The following CD5 variants were observed in gnomAD, a reference collection of about 807,000 sequenced individuals.
CD5 encodes the protein T-cell surface glycoprotein CD5.
CD5 carries 36 observed loss-of-function variants against 60.3 expected under a neutral mutation model. The ratio of observed to expected loss-of-function variants is 0.60; its 90% CI spans 0.46 to 0.79. The LOEUF (loss-of-function observed/expected upper bound fraction) is 0.79, where lower values mean the gene tolerates loss of function less well. Ranked by LOEUF, CD5 falls within the 30% of genes least tolerant of loss-of-function variation. CD5 has a pLI of 0.00. For missense variants in CD5, 540 were observed against 630.6 expected, an observed-to-expected ratio of 0.86 and a Z score of 1.54; for synonymous variants, 230 against 257.6, an observed-to-expected ratio of 0.89 and a Z score of 1.03.
At chr11:61,097,505 G>A (rs866247667), upstream of CD5, among the ~76,000 whole-genome samples, 3 of 152,190 alleles carry the variant, frequency 2.0e-5, no homozygotes, top group Non-Finnish European at 4.4e-5. Flanking sequence ...TGCAAACCGT[G>A]TGGACCCACC....
upstream of CD5, among the ~76,000 whole-genome samples, chr11:61,099,872 G>C (rs1156459641): frequency 6.7e-6 from 1 of 150,098 alleles, no homozygotes; most frequent in Non-Finnish European, 1.5e-5. Context: ...TGTCAACATG[G>C]AGATCATACA....
intron 1 of CD5, among the ~76,000 whole-genome samples, chr11:61,110,367 G>A (rs1325452746): frequency 1.3e-5 from 2 of 152,180 alleles, no homozygotes; most frequent in Non-Finnish European, 2.9e-5. Flanking sequence ...TAGATCACAG[G>A]TGTTTGAACC....
chr11:61,117,634 G>A (rs896774504), intron 2 of CD5, among the ~76,000 whole-genome samples: 17 of 152,052 alleles, frequency 1.1e-4, no homozygotes, highest in African/African-American at 3.6e-4. Flanking sequence ...GATTACAGGC[G>A]CCTGCCACCA....
upstream of CD5, among the ~76,000 whole-genome samples, chr11:61,099,496 G>GGAGATCACACACACACATCAAC: frequency 7.2e-6 from 1 of 138,776 alleles, no homozygotes; most frequent in African/African-American, 2.8e-5. Flanking sequence ...ACATCAACAT[G>GGAGATCACACACACACATCAAC]GAGATCACAC....
Position 61,118,821 on chromosome 11 carries a change from C to A in CD5, c.401-94C>A. On this transcript the variant is annotated intron_variant, in intron 3 of 10. Coordinates refer to ENST00000347785, the MANE Select transcript of CD5 (RefSeq NM_014207.4). This position sits in a 1 kb window ranked among gnomAD's most constrained non-coding sequence, Gnocchi z 4.7. ...TGGACCTGGTGTGCCAAGCGGCACT[C>A]ATGCCAGGAGCTCCTGGTCCTCTCA... is the stretch of plus-strand genomic sequence containing the variant. 1 of 856,142 alleles carries A rather than the reference C, an allele frequency of 1.2e-6. No individual in the cohort carries two copies. 53.0% of individuals were successfully genotyped at this position (856,142 alleles called of 1,614,324 possible).
upstream of CD5, among the ~76,000 whole-genome samples, chr11:61,099,715 T>A (rs1860633940): frequency 7.1e-6 from 1 of 140,824 alleles, no homozygotes; most frequent in African/African-American, 2.8e-5. Flanking sequence ...TACACACACA[T>A]CAACATGGAG....
Position 61,122,944 on chromosome 11 carries a change from G to C in CD5, c.1137G>C (p.Thr379=). 6.2e-7 allele frequency: 1 copy of C among 1,614,048 alleles called. No homozygotes were observed. The highest frequency in any genetic ancestry group is 8.5e-7 in the Non-Finnish European group (1 of 1,179,912). ...ACCCCGCAGGCCTGGCCGCAGGCAC[G>C]GTGGCAAGCATCATCCTGGCCCTGG... ...DPNPAGLAAG[T]VASIILALVL... The change falls in exon 7 of 11, where the codon ACG becomes ACC. Residue 379 remains threonine (T), a synonymous_variant. Transcript: ENST00000347785.
intron 1 of CD5, among the ~76,000 whole-genome samples, chr11:61,114,117 AAAAC>A (rs756874700): frequency 3.9e-5 from 6 of 152,126 alleles, no homozygotes; most frequent in Non-Finnish European, 8.8e-5. Flanking sequence ...TATTTAAAAC[AAAAC>A]AAACAAAAAA....
upstream of CD5, among the ~76,000 whole-genome samples, chr11:61,099,649 G>A (rs1860631745): frequency 6.8e-6 from 1 of 147,794 alleles, no homozygotes; most frequent in Admixed American, 6.7e-5. Flanking sequence ...ACATCAACAT[G>A]GAGATCACAA....
At position 61,116,515 on chromosome 11, in the gene CD5, ACAC is replaced by A. The variant is rs1265661499; in HGVS notation, c.94+1428_94+1430del. The stretch of plus-strand genomic sequence containing the variant: ...ACACACACCACCACACCACACACAC[ACAC>A]CACCACACACACACCCCACACCACA... On this transcript the variant is annotated intron_variant, in intron 2 of 10. Transcript: ENST00000347785. 1.2e-3 allele frequency among the ~76,000 whole-genome samples: 135 copies of A among 109,392 alleles called. 1 individual carries two copies. The highest frequency in any genetic ancestry group is 5.0e-3 in the Middle Eastern group (1 of 202). 71.8% of individuals were successfully genotyped at this position (109,392 alleles called of 152,430 possible). A position where few individuals can be genotyped will look rare whatever the true frequency, so the allele number is the denominator to read the frequency against.
In CD5 at chr11:61,113,418, G is replaced by A. The variant is rs530077395; in HGVS notation, c.56-1638G>A. Reference sequence around the variant, plus strand: ...TGAGACCAGGCTACAAGGAGGCAGAGCTTCCACGTGGTCCACATGGGGGAA... The same window carrying A: ...TGAGACCAGGCTACAAGGAGGCAGAACTTCCACGTGGTCCACATGGGGGAA... On this transcript the variant is annotated intron_variant, in intron 1 of 10. Coordinates refer to ENST00000347785, the MANE Select transcript of CD5 (RefSeq NM_014207.4). Among the ~76,000 whole-genome samples, 5 of 152,356 alleles carry A rather than the reference G, an allele frequency of 3.3e-5. No homozygotes were observed. The East Asian group carries it at 9.6e-4, about 29-fold the overall frequency.
intron 5 of CD5, among the ~76,000 whole-genome samples, chr11:61,120,243 C>T (rs369656191): frequency 6.6e-6 from 1 of 152,116 alleles, no homozygotes; most frequent in Non-Finnish European, 1.5e-5. Context: ...ACAGCTGAAA[C>T]GAAGGGAGAA....
chr11:61,117,389 C>G (rs1860981237), intron 2 of CD5, among the ~76,000 whole-genome samples: 1 of 152,170 alleles, frequency 6.6e-6, no homozygotes, highest in Admixed American at 6.5e-5. Context: ...TGTTCCATAT[C>G]TAGATTATGG....
At chr11:61,124,667 C>T (rs941940830) in intron 8 of CD5, among the ~76,000 whole-genome samples, 3 of 151,970 alleles carry the variant, frequency 2.0e-5, no homozygotes, top group African/African-American at 7.3e-5. Context: ...TTAAGAAAGG[C>T]TCTGGAAACT....
At chr11:61,109,070 G>A (rs963714917) in intron 1 of CD5, among the ~76,000 whole-genome samples, 26 of 152,288 alleles carry the variant, frequency 1.7e-4, no homozygotes, top group African/African-American at 5.8e-4. Flanking sequence ...AAAGCCAGCC[G>A]CCCTGGGCTG....
intron 1 of CD5, among the ~76,000 whole-genome samples, chr11:61,110,402 A>T (rs1860838094): frequency 6.6e-6 from 1 of 152,200 alleles, no homozygotes; most frequent in Non-Finnish European, 1.5e-5. Flanking sequence ...GGACTGTGGA[A>T]TCTAACTTCC....
chr11:61,106,030 C>T (rs1000685325), intron 1 of CD5, among the ~76,000 whole-genome samples: 5 of 146,134 alleles, frequency 3.4e-5, no homozygotes, highest in Non-Finnish European at 7.4e-5. Context: ...GAGGCTGAGG[C>T]AGGAGAACCG....
chr11:61,106,531 C>A (rs1042348652), intron 1 of CD5, among the ~76,000 whole-genome samples: 12 of 152,168 alleles, frequency 7.9e-5, no homozygotes, highest in African/African-American at 2.9e-4. Context: ...AATGAAGGGA[C>A]CTGGGGGCCC....
intron 10 of CD5, 115 bp downstream of exon 10, chr11:61,125,956 G>T (rs1024127899): frequency 1.4e-5 from 7 of 507,622 alleles, no homozygotes; most frequent in Non-Finnish European, 2.3e-5. Flanking sequence ...ATGAATAGGG[G>T]ACCCCCAGCA....
Sources: gnomAD v4.1 joint callset for allele counts (sites outside exome capture counted in the v4.1 genomes callset) on GRCh38, gnomAD v4.1.1 for gene constraint, Gnocchi (gnomAD v3.1) non-coding constraint, MANE v1.5 for transcripts, NCBI Gene and HGNC (gene_info 2026-07-23, HGNC 2026-07-21) for gene names.